CLIC5: variants seen among roughly 807,000 people sequenced by gnomAD.
CLIC5 encodes CLIC family member 5, also known as chloride intracellular channel protein 5.
CLIC5 carries 20 observed loss-of-function variants against 24.7 expected under a neutral mutation model. That is an observed-to-expected ratio of 0.81 (90% CI 0.57 to 1.18). The LOEUF (loss-of-function observed/expected upper bound fraction) is 1.18. CLIC5 is among the 50% of genes most tolerant of loss of function. The pLI is 0.00. For synonymous variants in CLIC5, 159 were observed against 135.6 expected, an observed-to-expected ratio of 1.17 and a Z score of -1.20; for missense variants, 341 against 326.1, an observed-to-expected ratio of 1.05 and a Z score of -0.35.
downstream of CLIC5, among the ~76,000 whole-genome samples, chr6:45,897,038 G>A (rs772630430): frequency 6.6e-6 from 1 of 152,114 alleles, no homozygotes; most frequent in Non-Finnish European, 1.5e-5. Flanking sequence ...CCAGAGTTAG[G>A]ACCAGTTTCA....
intron 5 of CLIC5, among the ~76,000 whole-genome samples, chr6:45,913,589 TG>T (rs1762899851): frequency 6.6e-6 from 1 of 152,142 alleles, no homozygotes; most frequent in Non-Finnish European, 1.5e-5. Context: ...CAGGTTGAAG[TG>T]GGAGATTGTT....
the CLIC5 span, among the ~76,000 whole-genome samples, chr6:46,095,056 C>T: frequency 6.6e-6 from 1 of 152,220 alleles, no homozygotes; most frequent in Admixed American, 6.5e-5. Flanking sequence ...GAAGCAGCAG[C>T]CTGAGCAATA....
intron 1 of CLIC5, among the ~76,000 whole-genome samples, chr6:45,989,027 C>T (rs1039415096): frequency 6.6e-6 from 1 of 152,198 alleles, no homozygotes; most frequent in Admixed American, 6.5e-5. Flanking sequence ...CTCTTCTGCC[C>T]CCATGGCTAG....
intron 1 of CLIC5, among the ~76,000 whole-genome samples, chr6:46,079,464 C>A (rs1016271091): frequency 1.1e-4 from 16 of 152,204 alleles, no homozygotes; most frequent in African/African-American, 3.4e-4. Context: ...AAATACTTTG[C>A]CCATGGTATG....
intron 1 of CLIC5, among the ~76,000 whole-genome samples, chr6:45,962,634 A>G (rs549223898): frequency 6.6e-6 from 1 of 152,318 alleles, no homozygotes; most frequent in South Asian, 2.1e-4. Flanking sequence ...TAACCTATTA[A>G]TTCAGTAGCT....
chr6:46,089,303 T>C, the CLIC5 span, among the ~76,000 whole-genome samples: 1 of 152,146 alleles, frequency 6.6e-6, no homozygotes, highest in Non-Finnish European at 1.5e-5. Flanking sequence ...GATCTCAGTG[T>C]AAATGCTGCC....
intron 4 of CLIC5, among the ~76,000 whole-genome samples, chr6:45,924,323 G>T (rs1763390695): frequency 6.6e-6 from 1 of 152,066 alleles, no homozygotes. Flanking sequence ...AAGGTTGGGG[G>T]TGACTGATAC....
chr6:45,904,429 T>G (rs1021732503), intron 5 of CLIC5, among the ~76,000 whole-genome samples: 2 of 151,716 alleles, frequency 1.3e-5, no homozygotes, highest in African/African-American at 4.8e-5. Flanking sequence ...ACCTGTGCAG[T>G]CTCACCTTGC....
rs60094266 is a variant in CLIC5 at position 45,899,007 on chromosome 6, G to C, written c.*4081C>G. The C allele has an allele frequency of 6.6e-5, 10 of 152,054 alleles. No homozygotes were observed. The highest frequency in any genetic ancestry group is 2.0e-4 in the Admixed American group (3 of 15,280). 9.4% of individuals were successfully genotyped at this position (152,054 alleles called of 1,614,324 possible). Reference sequence around the variant, plus strand: ...AAGGAATTGGATCTATTTCTTTAACGTTAAATGAAATTATGCACACTTTGG... The same window carrying C: ...AAGGAATTGGATCTATTTCTTTAACCTTAAATGAAATTATGCACACTTTGG... On this transcript the variant is annotated 3_prime_UTR_variant, in exon 6 of 6. Coordinates refer to ENST00000339561, the MANE Select transcript of CLIC5 (RefSeq NM_016929.5).
At chr6:45,894,907 T>G (rs1417299872), downstream of CLIC5, among the ~76,000 whole-genome samples, 1 of 147,218 alleles carries the variant, frequency 6.8e-6, no homozygotes, top group Non-Finnish European at 1.5e-5. Flanking sequence ...TAGCAAGTTG[T>G]TTTTGTCTGG....
downstream of CLIC5, among the ~76,000 whole-genome samples, chr6:45,894,310 G>T (rs1762375679): frequency 6.6e-6 from 1 of 152,168 alleles, no homozygotes; most frequent in South Asian, 2.1e-4. Flanking sequence ...TACAATAGGT[G>T]CGCCTTTTGA....
Position 45,903,020 on chromosome 6 carries a change from T to C in CLIC5, c.*68A>G. 6.4e-7 allele frequency: 1 copy of C among 1,556,792 alleles called. No homozygotes were observed. The highest frequency in any genetic ancestry group is 1.4e-5 in the African/African-American group (1 of 73,766). ...CTCAAGGCAGTGATACAGAGGAGTC[T>C]ATGAAGCTGGAGTCTTAGGGGAGTG... On this transcript the variant is annotated 3_prime_UTR_variant, in exon 6 of 6. Transcript: ENST00000339561.
At chr6:46,015,010 G>A (rs1218542811) in intron 1 of CLIC5, among the ~76,000 whole-genome samples, 1 of 152,232 alleles carries the variant, frequency 6.6e-6, no homozygotes, top group Non-Finnish European at 1.5e-5. Flanking sequence ...CTGAGCGAAA[G>A]AGAGAAAGAG....
At chr6:45,919,822 T>A (rs1329359662) in intron 4 of CLIC5, among the ~76,000 whole-genome samples, 1 of 152,192 alleles carries the variant, frequency 6.6e-6, no homozygotes, top group Admixed American at 6.5e-5. Context: ...TTTACAGAAA[T>A]CCTAATCTCT....
At chr6:46,109,779 C>T in the CLIC5 span, among the ~76,000 whole-genome samples, 3 of 152,076 alleles carry the variant, frequency 2.0e-5, no homozygotes, top group Non-Finnish European at 4.4e-5. Flanking sequence ...GTTTATCTTA[C>T]TCTTTACCTG....
At chr6:46,037,902 T>C (rs1420525533) in intron 1 of CLIC5, among the ~76,000 whole-genome samples, 1 of 152,186 alleles carries the variant, frequency 6.6e-6, no homozygotes, top group East Asian at 1.9e-4. Context: ...AAAGACATTT[T>C]GCTGTGTGGG....
At chr6:46,123,980 T>A in the CLIC5 span, among the ~76,000 whole-genome samples, 1 of 152,134 alleles carries the variant, frequency 6.6e-6, no homozygotes, top group Non-Finnish European at 1.5e-5. Flanking sequence ...ATAGGAAGAA[T>A]CAATATTATG....
intron 4 of CLIC5, among the ~76,000 whole-genome samples, chr6:45,931,654 GGTTT>G (rs1253611138): frequency 9.9e-5 from 15 of 152,102 alleles, no homozygotes; most frequent in Admixed American, 5.2e-4. Flanking sequence ...GTTTCTTAGA[GGTTT>G]GTTTGTTTGT....
At chr6:46,037,796 A>G (rs142146219) in intron 1 of CLIC5, among the ~76,000 whole-genome samples, 1 of 152,304 alleles carries the variant, frequency 6.6e-6, no homozygotes, top group East Asian at 1.9e-4. Flanking sequence ...TGCACCAGGG[A>G]AGTGGTAATT....
Sources: allele counts gnomAD v4.1 joint callset (sites outside exome capture counted in the v4.1 genomes callset), GRCh38; gene constraint gnomAD v4.1.1; transcripts MANE v1.5; gene names NCBI Gene and HGNC (gene_info 2026-07-23, HGNC 2026-07-21).